Variants in POLR1F observed in about 807,000 individuals in gnomAD.
POLR1F encodes RNA polymerase I subunit F, also known as DNA-directed RNA polymerase I subunit RPA43.
In POLR1F, 23 loss-of-function variants were observed where a neutral mutation model predicts 21.8. The ratio of observed to expected loss-of-function variants is 1.05; its 90% CI spans 0.76 to 1.49. The LOEUF is 1.49. Among genes scored for constraint, POLR1F ranks in the 40% most tolerant of loss-of-function variants. The pLI, the probability that POLR1F is intolerant of heterozygous loss-of-function variation, is 0.00. For missense variants in POLR1F, 435 were observed against 412.1 expected, an observed-to-expected ratio of 1.06 and a Z score of -0.48; for synonymous variants, 162 against 152.8, an observed-to-expected ratio of 1.06 and a Z score of -0.45.
At chr7:19,706,559 C>A (rs554774116) in intron 1 of POLR1F, among the ~76,000 whole-genome samples, 2 of 152,240 alleles carry the variant, frequency 1.3e-5, no homozygotes, top group South Asian at 2.1e-4. Flanking sequence ...CAGTCTGATA[C>A]AATGAGGAAA....
chr7:19,705,769 T>TG (rs1783513108), intron 1 of POLR1F, among the ~76,000 whole-genome samples: 1 of 152,128 alleles, frequency 6.6e-6, no homozygotes, highest in Admixed American at 6.6e-5. Context: ...AAAGACCTAG[T>TG]GGTGGGAGGC....
chr7:19,707,891 C>T (rs1455736251), intron 1 of POLR1F, among the ~76,000 whole-genome samples: 1 of 152,122 alleles, frequency 6.6e-6, no homozygotes, highest in Non-Finnish European at 1.5e-5. Flanking sequence ...CCTTAAGAAA[C>T]TGATAAAAAC....
At chr7:19,706,461 G>A (rs1298833461) in intron 1 of POLR1F, among the ~76,000 whole-genome samples, 2 of 152,172 alleles carry the variant, frequency 1.3e-5, no homozygotes, top group Non-Finnish European at 2.9e-5. Context: ...CTGGTGGAAG[G>A]GGGGACATGT....
rs764109689 is a variant in POLR1F, at chr7:19,696,838, T to G, written c.*1478A>C. 5 of 152,128 alleles carry G rather than the reference T, an allele frequency of 3.3e-5. No individual in the cohort carries two copies. The highest frequency in any genetic ancestry group is 7.4e-5 in the Non-Finnish European group (5 of 67,964). 9.4% of individuals were successfully genotyped at this position (152,128 alleles called of 1,614,324 possible). A position where few individuals can be genotyped will look rare whatever the true frequency, so the allele number is the denominator to read the frequency against. ...TTTGGTACATCTTTAAAATCTGGTA[T>G]GTATTTTATACTGACAGCACATCTC... On this transcript the variant is annotated 3_prime_UTR_variant, in exon 4 of 4. Transcript: ENST00000222567.
intron 1 of POLR1F, among the ~76,000 whole-genome samples, chr7:19,707,633 TG>T (rs1783548168): frequency 6.6e-6 from 1 of 152,058 alleles, no homozygotes; most frequent in Non-Finnish European, 1.5e-5. Flanking sequence ...TCAATCAAGT[TG>T]TTCTCAAAGG....
chr7:19,704,639 ATTTTTCCTTAAAAATAATATTTATTTAC>A (rs1783492678), intron 2 of POLR1F, 112 bp downstream of exon 2: 2 of 798,716 alleles, frequency 2.5e-6, no homozygotes, highest in South Asian at 4.7e-5. Flanking sequence ...ATACAAATTA[ATTTTTCCTTAAAAATAATATTTATTTAC>A]TCACAATAGC....
chr7:19,706,025 T>C (rs1173489342), intron 1 of POLR1F, among the ~76,000 whole-genome samples: 2 of 152,236 alleles, frequency 1.3e-5, no homozygotes, highest in Non-Finnish European at 2.9e-5. Context: ...TATCTGTATA[T>C]ATGTTTGAAT....
At chr7:19,706,152 A>T (rs956999005) in intron 1 of POLR1F, among the ~76,000 whole-genome samples, 1 of 152,218 alleles carries the variant, frequency 6.6e-6, no homozygotes, top group Non-Finnish European at 1.5e-5. Context: ...TTGTTTAGTA[A>T]AACAGCCAGA....
intron 1 of POLR1F, among the ~76,000 whole-genome samples, chr7:19,707,538 G>A (rs1357355558): frequency 6.6e-6 from 1 of 152,006 alleles, no homozygotes; most frequent in Non-Finnish European, 1.5e-5. Flanking sequence ...CAGTTCTCTG[G>A]GCAAAGCATA....
chr7:19,708,621 A>G (rs1257504243), intron 1 of POLR1F, 142 bp downstream of exon 1: 1 of 1,182,382 alleles, frequency 8.5e-7, no homozygotes, highest in East Asian at 2.4e-5. Flanking sequence ...TGAGGGACGG[A>G]TCGCGACTCT....
intron 1 of POLR1F, among the ~76,000 whole-genome samples, 184 bp from the exon 2 acceptor site, chr7:19,705,104 T>C (rs1445297840): frequency 1.3e-5 from 2 of 152,126 alleles, no homozygotes; most frequent in South Asian, 4.1e-4. Context: ...GCTGAGATTA[T>C]AGGTGTGCAC....
In POLR1F at chr7:19,696,674, A is replaced by C. The variant is rs1158006196; in HGVS notation, c.*1642T>G. 1 of 152,100 alleles carries C rather than the reference A, an allele frequency of 6.6e-6. No individual in the cohort carries two copies. The highest frequency in any genetic ancestry group is 2.4e-5 in the African/African-American group (1 of 41,452). The allele number at this position is 152,100 out of a possible 1,614,324, so 9.4% of individuals were successfully genotyped here. Reference sequence around the variant, plus strand: ...CTTTAAAATAGCACTGACCAAAAGAAAGTTAACATGAGCTTCATGTACAAT... The same window carrying C: ...CTTTAAAATAGCACTGACCAAAAGACAGTTAACATGAGCTTCATGTACAAT... On this transcript the variant is annotated 3_prime_UTR_variant, in exon 4 of 4. Transcript: ENST00000222567.
chr7:19,705,544 C>G (rs186202995), intron 1 of POLR1F: 1 of 152,414 alleles, frequency 6.6e-6, no homozygotes, highest in Non-Finnish European at 1.5e-5. Flanking sequence ...GGAAGCATTA[C>G]GGTTAAAGCT....
intron 3 of POLR1F, 61 bp from the exon 4 acceptor site, chr7:19,698,788 A>C (rs772462571): frequency 7.4e-7 from 1 of 1,355,178 alleles, no homozygotes. Flanking sequence ...GAACAAATTG[A>C]GATCAAGATA....
rs1020476703 is a variant in POLR1F, at chr7:19,696,037, T to C, written c.*2279A>G. On this transcript the variant is annotated 3_prime_UTR_variant, in exon 4 of 4. Transcript: ENST00000222567. ...GAGGTGTCTTGCACAGTGAAATGGG[T>C]GAATGATAGGAACTGGAGAGAGGGT... 2 of 152,122 alleles carry C rather than the reference T, an allele frequency of 1.3e-5. No homozygotes were observed. Among genetic ancestry groups the C allele is most frequent in the African/African-American group, 2.4e-5 (1 of 41,436 alleles). The allele number at this position is 152,122 out of a possible 1,614,324, so 9.4% of individuals were successfully genotyped here.
At chr7:19,707,493 C>T (rs1783546700) in intron 1 of POLR1F, among the ~76,000 whole-genome samples, 1 of 152,204 alleles carries the variant, frequency 6.6e-6, no homozygotes, top group South Asian at 2.1e-4. Flanking sequence ...TGCCTTTCCC[C>T]TGACATAAAC....
At chr7:19,705,235 C>T (rs1377971012) in intron 1 of POLR1F, 1 of 187,970 alleles carries the variant, frequency 5.3e-6, no homozygotes, top group Non-Finnish European at 1.1e-5. Flanking sequence ...TCTGTAACAA[C>T]TTTAGTAGTC....
intron 2 of POLR1F, among the ~76,000 whole-genome samples, chr7:19,703,008 A>C (rs1262246311): frequency 6.6e-6 from 1 of 152,224 alleles, no homozygotes; most frequent in Non-Finnish European, 1.5e-5. Flanking sequence ...GTATGTTTTC[A>C]TTCATATGTC....
At chr7:19,708,261 G>C (rs1446312036) in intron 1 of POLR1F, among the ~76,000 whole-genome samples, 1 of 152,162 alleles carries the variant, frequency 6.6e-6, no homozygotes, top group Non-Finnish European at 1.5e-5. Context: ...GAAATTACCA[G>C]AGCGAAATCC....
Sources: gnomAD v4.1 joint callset for allele counts (sites outside exome capture counted in the v4.1 genomes callset) on GRCh38, gnomAD v4.1.1 for gene constraint, MANE v1.5 for transcripts, NCBI Gene and HGNC (gene_info 2026-07-23, HGNC 2026-07-21) for gene names.